KAT2B: variants seen among roughly 807,000 people sequenced by gnomAD.
KAT2B encodes the protein histone acetyltransferase KAT2B.
In KAT2B, 36 loss-of-function variants were observed where a neutral mutation model predicts 105.9. That is an observed-to-expected ratio of 0.34 (90% CI 0.26 to 0.45). The LOEUF (loss-of-function observed/expected upper bound fraction) is 0.45, where lower values mean the gene tolerates loss of function less well. Among genes scored for constraint, KAT2B ranks in the 20% least tolerant of loss-of-function variants. The probability of loss-of-function intolerance (pLI) is 1.00; values close to 1 mark genes in which losing one functional copy is unlikely to be tolerated. For synonymous variants in KAT2B, 397 were observed against 377.9 expected (o/e 1.05, Z -0.59); for missense variants, 820 against 1,021.6 (o/e 0.80, Z 2.69).
rs1188777885 is a variant in KAT2B at position 20,153,083 on chromosome 3, T to G, written c.*558T>G. The G allele has an allele frequency of 1.3e-5, 2 of 152,588 alleles. No homozygotes were observed. The highest frequency in any genetic ancestry group is 2.9e-5 in the Non-Finnish European group (2 of 67,976). 9.5% of individuals were successfully genotyped at this position (152,588 alleles called of 1,614,324 possible). ...CTAGATGAGGTGCTTTGAGCAGTTC[T>G]GAAAAATGCAGTTCCAGGAAAGCAA... On this transcript the variant is annotated 3_prime_UTR_variant, in exon 18 of 18. Coordinates refer to ENST00000263754, the MANE Select transcript of KAT2B (RefSeq NM_003884.5).
At chr3:20,146,153 T>G (rs1471596949) in intron 13 of KAT2B, among the ~76,000 whole-genome samples, 163 bp from the exon 14 acceptor site, 2 of 152,234 alleles carry the variant, frequency 1.3e-5, no homozygotes, top group Non-Finnish European at 2.9e-5. Flanking sequence ...TGGTATAATA[T>G]AATCTGTTCA....
At chr3:20,049,150 G>A (rs902740201) in intron 1 of KAT2B, among the ~76,000 whole-genome samples, 3 of 152,122 alleles carry the variant, frequency 2.0e-5, no homozygotes, top group African/African-American at 2.4e-5. Context: ...GTGAGCCACC[G>A]CGCCTGGCCG....
intron 1 of KAT2B, among the ~76,000 whole-genome samples, chr3:20,058,129 C>A (rs1373354073): frequency 6.6e-6 from 1 of 151,864 alleles, no homozygotes; most frequent in African/African-American, 2.4e-5. Context: ...TTTTTTGATT[C>A]CTTGTGGCTT....
Position 20,140,280 on chromosome 3 carries a change from T to G in KAT2B, c.1920T>G (p.Tyr640Ter), listed in dbSNP as rs1575157544. 6.2e-7 allele frequency: 1 copy of G among 1,612,226 alleles called. No individual in the cohort carries two copies. Among genetic ancestry groups the G allele is most frequent in the Non-Finnish European group, 8.5e-7 (1 of 1,178,278 alleles). Reference protein sequence around the residue: ...KTKYVGYIKDYEGATLMGCEL... With the variant: ...KTKYVGYIKD ...AATATGTTGGCTATATCAAGGATTATGAAGGAGCCACTTTAATGGGATGTG... is the reference window on the plus strand; with the variant it reads ...AATATGTTGGCTATATCAAGGATTAGGAAGGAGCCACTTTAATGGGATGTG... The change falls in exon 13 of 18, where the codon TAT becomes TAG. Residue 640 changes from tyrosine to a stop codon, truncating the protein, a stop_gained. Coordinates refer to ENST00000263754, the MANE Select transcript of KAT2B (RefSeq NM_003884.5). LOFTEE classifies it high-confidence loss of function.
chr3:20,114,403 T>A (rs180820004), intron 6 of KAT2B, among the ~76,000 whole-genome samples: 2 of 152,222 alleles, frequency 1.3e-5, no homozygotes, highest in African/African-American at 4.8e-5. Context: ...GCCTATCATG[T>A]AGTAAGAGCT....
At chr3:20,091,699 T>C (rs541948152) in intron 2 of KAT2B, among the ~76,000 whole-genome samples, 28 of 152,180 alleles carry the variant, frequency 1.8e-4, no homozygotes, top group Non-Finnish European at 3.1e-4. Flanking sequence ...TTTCCACTTC[T>C]GTTTGTCTTA....
At position 20,040,671 on chromosome 3, in the gene KAT2B, A is replaced by C; in HGVS notation, c.194A>C (p.Glu65Ala). ...GCAGTGGCTGCAGCGGGCACGGCCGAAGGACCGGGAGGCGGTGGCTCGGCC... is the reference window on the plus strand; with the variant it reads ...GCAGTGGCTGCAGCGGGCACGGCCGCAGGACCGGGAGGCGGTGGCTCGGCC... ...ATAVAAAGTA[E>A]GPGGGGSARI... Residue 65 changes from glutamate (E) to alanine (A), a missense_variant, in exon 1 of 18, where the codon GAA becomes GCA. Glu to Ala is a moderately radical substitution (Grantham distance 107). This residue lies in a region of KAT2B where 190 missense variants were observed against 176.7 expected (regional missense o/e 1.08). Coordinates refer to ENST00000263754, the MANE Select transcript of KAT2B (RefSeq NM_003884.5). 1 of 1,548,624 alleles carries C rather than the reference A, an allele frequency of 6.5e-7. No individual in the cohort carries two copies.
rs910392359 is a variant in KAT2B at position 20,130,925 on chromosome 3, C to CGT, written c.1749+3389_1749+3390dup. Reference sequence around the variant, plus strand: ...GAACGTGTGTGTGTGTGCATGCGTGCGTGTGTGTGTGTGTTCTAATGGTAA... The same window carrying CGT: ...GAACGTGTGTGTGTGTGCATGCGTGCGTGTGTGTGTGTGTGTTCTAATGGTAA... On this transcript the variant is annotated intron_variant, in intron 11 of 17. Transcript: ENST00000263754. 5.5e-5 allele frequency among the ~76,000 whole-genome samples: 8 copies of CGT among 144,718 alleles called. No homozygotes were observed. In the East Asian group the frequency reaches 8.3e-4, roughly 15 times the overall value. 94.9% of individuals were successfully genotyped at this position (144,718 alleles called of 152,430 possible). A position where few individuals can be genotyped will look rare whatever the true frequency, so the allele number is the denominator to read the frequency against.
At chr3:20,073,260 A>G (rs1299804489) in intron 2 of KAT2B, among the ~76,000 whole-genome samples, 1 of 152,188 alleles carries the variant, frequency 6.6e-6, no homozygotes, top group Non-Finnish European at 1.5e-5. Context: ...AAATGTCAAC[A>G]AGGCCAGTTT....
intron 11 of KAT2B, among the ~76,000 whole-genome samples, chr3:20,132,839 G>T (rs752639876): frequency 2.0e-5 from 3 of 152,188 alleles, no homozygotes; most frequent in Non-Finnish European, 2.9e-5. Context: ...GATTATGGAT[G>T]AAGGGTACAA....
At chr3:20,099,674 A>G (rs769876529) in intron 3 of KAT2B, among the ~76,000 whole-genome samples, 188 bp from the exon 4 acceptor site, 1 of 152,096 alleles carries the variant, frequency 6.6e-6, no homozygotes, top group Non-Finnish European at 1.5e-5. Flanking sequence ...ATAGTTGCCC[A>G]TTTTATTGAC....
At chr3:20,140,516 GAC>G (rs1211997972) in intron 13 of KAT2B, 152 bp downstream of exon 13, 2 of 742,394 alleles carry the variant, frequency 2.7e-6, no homozygotes, top group Non-Finnish European at 4.3e-6. Context: ...TCTCTTTTTT[GAC>G]ACAGAGTCTC....
At chr3:20,084,946 C>T (rs1045341694) in intron 2 of KAT2B, among the ~76,000 whole-genome samples, 1 of 152,204 alleles carries the variant, frequency 6.6e-6, no homozygotes, top group Non-Finnish European at 1.5e-5. Context: ...GTTAAACCTA[C>T]TATATGTAGC....
At chr3:20,116,555 G>T (rs1175117553) in intron 7 of KAT2B, among the ~76,000 whole-genome samples, 1 of 152,038 alleles carries the variant, frequency 6.6e-6, no homozygotes, top group Non-Finnish European at 1.5e-5. Flanking sequence ...AGCTCCCCAG[G>T]TAATTTTAAT....
At chr3:20,121,668 T>C (rs1026507447) in intron 8 of KAT2B, among the ~76,000 whole-genome samples, 1 of 150,842 alleles carries the variant, frequency 6.6e-6, no homozygotes, top group African/African-American at 2.4e-5. Context: ...AAAAATAATT[T>C]ATGGTATATT....
intron 5 of KAT2B, among the ~76,000 whole-genome samples, chr3:20,103,789 A>C (rs1334642487): frequency 6.6e-5 from 10 of 152,226 alleles, no homozygotes; most frequent in Non-Finnish European, 4.4e-5. Context: ...ATGAATACTT[A>C]AGAAGTAGTA....
intron 17 of KAT2B, among the ~76,000 whole-genome samples, chr3:20,150,573 A>C (rs1398840547): frequency 7.2e-5 from 11 of 152,298 alleles, no homozygotes; most frequent in South Asian, 2.1e-4. Flanking sequence ...TGAATAATTT[A>C]ATGGTGTCTC....
At chr3:20,136,858 G>GA in intron 11 of KAT2B, 84 bp from the exon 12 acceptor site, 1 of 660,704 alleles carries the variant, frequency 1.5e-6, no homozygotes, top group Non-Finnish European at 2.7e-6. Context: ...ACAAACTTCT[G>GA]AATTCACCAT....
At chr3:20,072,200 G>GTA in intron 1 of KAT2B, 133 bp from the exon 2 acceptor site, 1 of 882,604 alleles carries the variant, frequency 1.1e-6, no homozygotes, top group Non-Finnish European at 1.8e-6. Flanking sequence ...TTTCTCTTGT[G>GTA]TATATGGCAG....
Sources: gnomAD v4.1 joint callset for allele counts (sites outside exome capture counted in the v4.1 genomes callset) on GRCh38, gnomAD v4.1.1 for gene constraint, gnomAD v4.1.1 regional missense constraint, MANE v1.5 for transcripts, NCBI Gene and HGNC (gene_info 2026-07-23, HGNC 2026-07-21) for gene names.